BBS9: variants seen among roughly 807,000 people sequenced by gnomAD.
BBS9 encodes protein PTHB1.
Under a neutral mutation model 117.7 loss-of-function variants are expected in BBS9, and 89 were observed. The ratio of observed to expected loss-of-function variants is 0.76; its 90% CI spans 0.64 to 0.90. The LOEUF (loss-of-function observed/expected upper bound fraction) is 0.90. BBS9 is among the 40% of genes least tolerant of loss of function. The pLI, the probability that BBS9 is intolerant of heterozygous loss-of-function variation, is 0.00. For missense variants in BBS9, 982 were observed against 1,042.2 expected (o/e 0.94, Z 0.80); for synonymous variants, 379 against 370.9 (o/e 1.02, Z -0.25).
intron 5 of BBS9, among the ~76,000 whole-genome samples, chr7:33,211,328 G>T (rs1330629073): frequency 6.6e-6 from 1 of 151,830 alleles, no homozygotes; most frequent in Non-Finnish European, 1.5e-5. Flanking sequence ...TGTATCTCTT[G>T]TATGTTTTTG....
chr7:33,308,711 T>A (rs1808541813), intron 9 of BBS9, among the ~76,000 whole-genome samples: 1 of 152,164 alleles, frequency 6.6e-6, no homozygotes, highest in Admixed American at 6.5e-5. Flanking sequence ...GATCTCTCCT[T>A]GGAATTTTGA....
intron 20 of BBS9, among the ~76,000 whole-genome samples, chr7:33,513,529 T>C (rs1270277387): frequency 6.6e-6 from 1 of 152,214 alleles, no homozygotes; most frequent in Non-Finnish European, 1.5e-5. Flanking sequence ...GCTTGTCCAA[T>C]AACTGTGTAG....
At chr7:33,511,592 C>A (rs931777491) in intron 20 of BBS9, among the ~76,000 whole-genome samples, 1 of 152,142 alleles carries the variant, frequency 6.6e-6, no homozygotes, top group African/African-American at 2.4e-5. Context: ...TTAATAGTTA[C>A]CTTCCCTAGT....
At chr7:33,475,606 A>G (rs1027122857) in intron 19 of BBS9, among the ~76,000 whole-genome samples, 1 of 146,842 alleles carries the variant, frequency 6.8e-6, no homozygotes, top group African/African-American at 2.5e-5. Context: ...GTATGACGAG[A>G]AAAAAAAAAA....
intron 19 of BBS9, among the ~76,000 whole-genome samples, chr7:33,398,659 G>A (rs1239041473): frequency 6.6e-6 from 1 of 152,170 alleles, no homozygotes; most frequent in Non-Finnish European, 1.5e-5. Flanking sequence ...TGAGCCACAT[G>A]TATTATTTTT....
rs1227613566 is a variant in BBS9, at chr7:33,303,488, A to G, written c.1016+29532A>G. On this transcript the variant is annotated intron_variant, in intron 9 of 22. Transcript: ENST00000242067. ...CATGAGAGGATGTTGAATTTTCTCA[A>G]ATGCTTTTTTTAGTATCAACTGAAA... 1.0e-4 allele frequency among the ~76,000 whole-genome samples: 15 copies of G among 149,368 alleles called. No individual in the cohort carries two copies. The Admixed American group carries it at 1.0e-3, about 10-fold the overall frequency.
intron 9 of BBS9, among the ~76,000 whole-genome samples, chr7:33,326,784 T>TA (rs1812946176): frequency 6.6e-6 from 1 of 151,900 alleles, no homozygotes; most frequent in Admixed American, 6.6e-5. Context: ...ATCTAGGAGC[T>TA]AGGGCTTGGA....
intron 18 of BBS9, 141 bp downstream of exon 18, chr7:33,383,979 A>G: frequency 1.1e-6 from 1 of 891,224 alleles, no homozygotes. Flanking sequence ...GATTTCGTGA[A>G]TCCATTCCTG....
intron 9 of BBS9, chr7:33,277,102 CTG>C (rs1040912274): frequency 2.0e-4 from 41 of 209,916 alleles, no homozygotes; most frequent in Middle Eastern, 8.5e-4. Flanking sequence ...TGGGGACAGA[CTG>C]TGGCTCTGGG....
chr7:33,427,285 C>G (rs1193645481), intron 19 of BBS9, among the ~76,000 whole-genome samples: 2 of 152,128 alleles, frequency 1.3e-5, no homozygotes, highest in Admixed American at 1.3e-4. Context: ...TGTTAATTTG[C>G]AATTACAGTA....
rs186648051 is a variant in BBS9, at chr7:33,516,219, G to A, written c.2298+10574G>A. Among the ~76,000 whole-genome samples, 331 of 152,164 alleles carry A rather than the reference G, an allele frequency of 2.2e-3. 1 individual carries two copies. Among genetic ancestry groups the A allele is most frequent in the African/African-American group, 6.4e-3 (267 of 41,526 alleles). ...AATTGATGGAACATAGGCCGGGCGC[G>A]GTGGCTCACACCTGTAATCCCAGCA... On this transcript the variant is annotated intron_variant, in intron 20 of 22. Transcript: ENST00000242067.
intron 13 of BBS9, among the ~76,000 whole-genome samples, chr7:33,350,516 TACTGTGTAAC>T (rs1818444303): frequency 6.6e-6 from 1 of 152,236 alleles, no homozygotes; most frequent in African/African-American, 2.4e-5. Context: ...GTTAAGTGGC[TACTGTGTAAC>T]ACTCCTCATC....
chr7:33,179,932 A>T (rs1797861972), intron 5 of BBS9, among the ~76,000 whole-genome samples: 1 of 152,194 alleles, frequency 6.6e-6, no homozygotes, highest in Non-Finnish European at 1.5e-5. Flanking sequence ...TTTGTCCTTC[A>T]TTTTAAAGCT....
chr7:33,514,421 T>A lies in BBS9; in HGVS notation c.2298+8776T>A, dbSNP rs532417494. 2.6e-5 allele frequency among the ~76,000 whole-genome samples: 4 copies of A among 151,978 alleles called. No homozygotes were observed. The South Asian group carries it at 8.3e-4, about 32-fold the overall frequency. On this transcript the variant is annotated intron_variant, in intron 20 of 22. Transcript: ENST00000242067. ...CTTTCTCATCAAGGGGTGACTGGAG[T>A]TTGATGGAAAACATAGTCTGTACAG...
chr7:33,619,802 A>G (rs1865318258), intron 21 of BBS9, among the ~76,000 whole-genome samples: 1 of 152,176 alleles, frequency 6.6e-6, no homozygotes. Context: ...CTTGAGACAA[A>G]AGAAAACAGA....
At chr7:33,279,351 T>C (rs1045405888) in intron 9 of BBS9, among the ~76,000 whole-genome samples, 13 of 152,218 alleles carry the variant, frequency 8.5e-5, no homozygotes, top group Admixed American at 4.6e-4. Context: ...GCTGGGATTA[T>C]GGGTATGAGC....
At chr7:33,406,907 T>G (rs1383980222) in intron 19 of BBS9, among the ~76,000 whole-genome samples, 1 of 152,196 alleles carries the variant, frequency 6.6e-6, no homozygotes, top group Non-Finnish European at 1.5e-5. Flanking sequence ...CTGACAATTA[T>G]GTGTCTTGGA....
At chr7:33,582,866 G>A (rs968512189) in intron 21 of BBS9, among the ~76,000 whole-genome samples, 2 of 152,056 alleles carry the variant, frequency 1.3e-5, no homozygotes, top group Non-Finnish European at 2.9e-5. Context: ...GGTGTTGCAC[G>A]TCTGCTCAGT....
At chr7:33,533,103 T>G (rs1001143514) in intron 20 of BBS9, among the ~76,000 whole-genome samples, 2 of 152,172 alleles carry the variant, frequency 1.3e-5, no homozygotes, top group African/African-American at 2.4e-5. Flanking sequence ...GCTCCTAAAC[T>G]GACCCCTCCT....
Sources: allele counts gnomAD v4.1 joint callset (sites outside exome capture counted in the v4.1 genomes callset), GRCh38; gene constraint gnomAD v4.1.1; transcripts MANE v1.5; gene names NCBI Gene and HGNC (gene_info 2026-07-23, HGNC 2026-07-21).